PTPRC: variants seen among roughly 807,000 people sequenced by gnomAD.
PTPRC encodes the protein protein tyrosine phosphatase receptor type C.
A neutral mutation model predicts 155.9 loss-of-function variants in PTPRC; 44 were observed. That is an observed-to-expected ratio of 0.28 (90% CI 0.22 to 0.36). The LOEUF (loss-of-function observed/expected upper bound fraction) is 0.36, where lower values mean the gene tolerates loss of function less well. Among genes scored for constraint, PTPRC ranks in the 10% least tolerant of loss-of-function variants. The pLI is 1.00. For missense variants in PTPRC, 1,401 were observed against 1,564.6 expected, an observed-to-expected ratio of 0.90 and a Z score of 1.76; for synonymous variants, 525 against 533.1, an observed-to-expected ratio of 0.98 and a Z score of 0.21.
Position 198,708,269 on chromosome 1 carries a change from T to C in PTPRC, c.1033+8T>C. 1 of 1,602,326 alleles carries C rather than the reference T, an allele frequency of 6.2e-7. No homozygotes were observed. ...CCTACAGATTTCAGTGTGGTAAGAA[T>C]ATAACATTGACCAGAGAATTTTTTT... On this transcript the variant is annotated splice_region_variant and intron_variant, in intron 10 of 32. Transcript: ENST00000442510.
At chr1:198,755,811 A>C (rs1034352711) in intron 32 of PTPRC, 95 bp from the exon 33 acceptor site, 36 of 1,328,140 alleles carry the variant, frequency 2.7e-5, no homozygotes, top group Non-Finnish European at 3.7e-5. Flanking sequence ...CAATACTTCC[A>C]CAAATAAATC....
At position 198,718,262 on chromosome 1, in the gene PTPRC, G is replaced by A. The variant is rs140422357; in HGVS notation, c.1619G>A (p.Arg540His). 4.3e-5 allele frequency: 69 copies of A among 1,613,850 alleles called. No individual in the cohort carries two copies. Among genetic ancestry groups the A allele is most frequent in the Admixed American group, 3.0e-4 (18 of 60,002 alleles). ...GAGTCGCATAAGAATTGCGATTTCC[G>A]TGTAAAAGATCTTCAATATTCAACA... The part of the protein sequence containing the change: ...RNESHKNCDF[R>H]VKDLQYSTDY... Residue 540 changes from arginine (R) to histidine (H), a missense_variant, in exon 14 of 33, where the codon CGT (arginine) becomes CAT (histidine). By Grantham distance (29) the Arg-to-His change is conservative. Coordinates refer to ENST00000442510, the MANE Select transcript of PTPRC (RefSeq NM_002838.5).
intron 31 of PTPRC, among the ~76,000 whole-genome samples, chr1:198,753,604 AG>A (rs1490167208): frequency 2.0e-5 from 3 of 152,050 alleles, no homozygotes; most frequent in Non-Finnish European, 4.4e-5. Context: ...AAGCTGAGGA[AG>A]GGAAGTTTAC....
At chr1:198,705,121 T>TC (rs910273446) in intron 8 of PTPRC, among the ~76,000 whole-genome samples, 1 of 146,932 alleles carries the variant, frequency 6.8e-6, no homozygotes, top group African/African-American at 2.5e-5. Flanking sequence ...TTTGTCTCTC[T>TC]TTTTTTTTTT....
Position 198,756,774 on chromosome 1 carries a change from A to AATT in PTPRC, c.*595_*597dup, listed in dbSNP as rs917493009. On this transcript the variant is annotated 3_prime_UTR_variant, in exon 33 of 33. Coordinates refer to ENST00000442510, the MANE Select transcript of PTPRC (RefSeq NM_002838.5). ...GCTACTACAAAAAAGTTGTTAACTAAATTAACATTGGGAAATCTTATATTC... is the reference window on the plus strand; with the variant it reads ...GCTACTACAAAAAAGTTGTTAACTAAATTATTAACATTGGGAAATCTTATATTC... 3.9e-4 allele frequency: 59 copies of AATT among 152,170 alleles called. No individual in the cohort carries two copies. The highest frequency in any genetic ancestry group is 1.4e-3 in the African/African-American group (57 of 41,558). 9.4% of individuals were successfully genotyped at this position (152,170 alleles called of 1,614,324 possible). A position where few individuals can be genotyped will look rare whatever the true frequency, so the allele number is the denominator to read the frequency against.
rs553091230 is a variant in PTPRC at position 198,705,491 on chromosome 1, G to A, written c.685+993G>A. On this transcript the variant is annotated intron_variant, in intron 8 of 32. Transcript: ENST00000442510. Reference sequence around the variant, plus strand: ...GCTGGAGTGCAGTGGTACAATCTCAGCTTACTGCAACCTCTGCCTCCTGGG... The same window carrying A: ...GCTGGAGTGCAGTGGTACAATCTCAACTTACTGCAACCTCTGCCTCCTGGG... Among the ~76,000 whole-genome samples the A allele has an allele frequency of 2.8e-5, 4 of 144,520 alleles. No homozygotes were observed. The East Asian group carries it at 6.0e-4, about 22-fold the overall frequency. The allele number at this position is 144,520 out of a possible 152,430, so 94.8% of individuals were successfully genotyped here.
intron 2 of PTPRC, among the ~76,000 whole-genome samples, chr1:198,672,889 C>T (rs1443842973): frequency 1.3e-5 from 2 of 152,204 alleles, no homozygotes; most frequent in Non-Finnish European, 2.9e-5. Flanking sequence ...GGATTAATCA[C>T]CTACTGAAAG....
chr1:198,744,834 A>G (rs1306242598), intron 26 of PTPRC, among the ~76,000 whole-genome samples: 1 of 151,814 alleles, frequency 6.6e-6, no homozygotes, highest in Non-Finnish European at 1.5e-5. Flanking sequence ...CAAACTGGTA[A>G]ATTCAGAGTT....
intron 2 of PTPRC, among the ~76,000 whole-genome samples, chr1:198,669,675 C>G (rs749599902): frequency 1.2e-4 from 19 of 152,102 alleles, no homozygotes; most frequent in Non-Finnish European, 2.8e-4. Context: ...CTCCTGCCAG[C>G]CACTCCCAGA....
chr1:198,672,652 A>G (rs1055590260), intron 2 of PTPRC, among the ~76,000 whole-genome samples: 1 of 132,978 alleles, frequency 7.5e-6, no homozygotes, highest in Non-Finnish European at 1.6e-5. Flanking sequence ...TTTTTTTTGT[A>G]TTTTTTTGCA....
intron 2 of PTPRC, among the ~76,000 whole-genome samples, chr1:198,679,396 A>G (rs1239002565): frequency 9.1e-6 from 1 of 109,962 alleles, no homozygotes; most frequent in East Asian, 2.7e-4. Flanking sequence ...ACGCCCAGCT[A>G]TTTTTTTTTT....
At position 198,696,868 on chromosome 1, in the gene PTPRC, C is replaced by G; in HGVS notation, c.257C>G (p.Ser86Cys). ...CCAGACAATACTTCCACCCAAGTAT[C>G]CCCGGACTCTTTGGATAATGCTAGT... ...LSPDNTSTQV[S>C]PDSLDNASAF... The change falls in exon 4 of 33, where the codon TCC (serine) becomes TGC (cysteine). Residue 86 changes from serine to cysteine, a missense_variant. Physicochemically the swap from Ser to Cys is moderately radical, Grantham distance 112. Around this residue, in one of 3 missense-constraint regions of PTPRC, gnomAD observed 867 missense variants for 970.4 expected, o/e 0.89. Coordinates refer to ENST00000442510, the MANE Select transcript of PTPRC (RefSeq NM_002838.5). 3.1e-6 allele frequency: 5 copies of G among 1,614,078 alleles called. No individual in the cohort carries two copies. The highest frequency in any genetic ancestry group is 4.2e-6 in the Non-Finnish European group (5 of 1,179,958).
chr1:198,664,804 C>T (rs1005874400), intron 2 of PTPRC, among the ~76,000 whole-genome samples: 1 of 152,122 alleles, frequency 6.6e-6, no homozygotes, highest in Non-Finnish European at 1.5e-5. Flanking sequence ...ATTTATTCTC[C>T]CCCTGCCCTG....
At chr1:198,690,400 A>G (rs373981321) in intron 2 of PTPRC, among the ~76,000 whole-genome samples, 39 of 152,216 alleles carry the variant, frequency 2.6e-4, no homozygotes, top group African/African-American at 9.4e-4. Flanking sequence ...TTTACATGAA[A>G]CAGAAAGATA....
intron 10 of PTPRC, 91 bp downstream of exon 10, chr1:198,708,352 T>TCCTC: frequency 7.8e-7 from 1 of 1,275,890 alleles, no homozygotes; most frequent in Non-Finnish European, 1.1e-6. Flanking sequence ...CTTTCTCTCT[T>TCCTC]CCTCCCTGCC....
intron 2 of PTPRC, among the ~76,000 whole-genome samples, chr1:198,689,671 AG>A (rs1665821432): frequency 1.3e-5 from 2 of 152,174 alleles, no homozygotes; most frequent in Non-Finnish European, 2.9e-5. Context: ...TGTTATCATC[AG>A]ATCTGTTTGA....
chr1:198,695,284 A>G (rs1666140853), intron 3 of PTPRC: 2 of 742,558 alleles, frequency 2.7e-6, no homozygotes, highest in Admixed American at 6.3e-5. Flanking sequence ...CCCTTTTTCC[A>G]TATTTGTGCC....
At chr1:198,651,828 G>A (rs1299659772) in intron 2 of PTPRC, among the ~76,000 whole-genome samples, 4 of 151,690 alleles carry the variant, frequency 2.6e-5, no homozygotes, top group Non-Finnish European at 4.4e-5. Flanking sequence ...CAGTACTAAG[G>A]TTGAGAAAGA....
Position 198,756,431 on chromosome 1 carries a change from T to C in PTPRC, c.*250T>C. The C allele has an allele frequency of 5.9e-6, 3 of 506,168 alleles. No individual in the cohort carries two copies. Among genetic ancestry groups the C allele is most frequent in the South Asian group, 4.2e-5 (2 of 47,310 alleles). The allele number at this position is 506,168 out of a possible 1,614,324, so 31.4% of individuals were successfully genotyped here. The stretch of plus-strand genomic sequence containing the variant: ...AAAAACAACTTCTTTGTAATCGTTA[T>C]GTGTGTATATGTATGTGTGTATGGG... On this transcript the variant is annotated 3_prime_UTR_variant, in exon 33 of 33. Transcript: ENST00000442510.
Sources: allele counts gnomAD v4.1 joint callset (sites outside exome capture counted in the v4.1 genomes callset), GRCh38; gene constraint gnomAD v4.1.1; regional missense constraint gnomAD v4.1.1; transcripts MANE v1.5; gene names NCBI Gene and HGNC (gene_info 2026-07-23, HGNC 2026-07-21).